The following TPI1 variants were observed in gnomAD, a reference collection of about 807,000 sequenced individuals.
TPI1 encodes triosephosphate isomerase.
Under a neutral mutation model 31.0 loss-of-function variants are expected in TPI1, and 11 were observed. The ratio of observed to expected loss-of-function variants is 0.36; its 90% confidence interval spans 0.22 to 0.59. The LOEUF (loss-of-function observed/expected upper bound fraction) is 0.59, where lower values mean the gene tolerates loss of function less well. Ranked by LOEUF, TPI1 falls within the 20% of genes least tolerant of loss-of-function variation. The pLI is 0.79. For synonymous variants in TPI1, 121 were observed against 122.8 expected, an observed-to-expected ratio of 0.99 and a Z score of 0.10; for missense variants, 245 against 319.7, an observed-to-expected ratio of 0.77 and a Z score of 1.78.
chr12:6,868,537 G>A, intron 1 of TPI1: 1 of 1,287,606 alleles, frequency 7.8e-7, no homozygotes, highest in South Asian at 1.4e-5. Context: ...TAGAAGGGAA[G>A]CAGGGTTGCT....
In TPI1 at chr12:6,868,379, C is replaced by T. The variant is rs1388326952; in HGVS notation, c.116-485C>T. On this transcript the variant is annotated intron_variant, in intron 1 of 6. Transcript: ENST00000396705. ...TCCTCCATCCTCCTTCCTCCCTCCACCGAAATCGGAGAGCCGCGGGCCTGA... is the reference window on the plus strand; with the variant it reads ...TCCTCCATCCTCCTTCCTCCCTCCATCGAAATCGGAGAGCCGCGGGCCTGA... The T allele has an allele frequency of 2.3e-6, 3 of 1,288,048 alleles. No homozygotes were observed. In the African/African-American group the frequency reaches 4.6e-5, roughly 20 times the overall value. The allele number at this position is 1,288,048 out of a possible 1,614,324, so 79.8% of individuals were successfully genotyped here.
Position 6,867,680 on chromosome 12 carries a change from C to T in TPI1, c.114C>T (p.Thr38=). ...TLNAAKVPAD[T]EVVCAPPTAY... ...ACGCGGCCAAGGTGCCGGCCGACAC[C>T]GGTAAGCCCTCGCCGAGGAGGGGTC... Residue 38 remains threonine, a splice_region_variant and synonymous_variant, in exon 1 of 7, where the codon ACC becomes ACT. Coordinates refer to ENST00000396705, the MANE Select transcript of TPI1 (RefSeq NM_000365.6). 1 of 1,605,808 alleles carries T rather than the reference C, an allele frequency of 6.2e-7. No individual in the cohort carries two copies. The highest frequency in any genetic ancestry group is 1.3e-5 in the African/African-American group (1 of 74,182).
At position 6,868,720 on chromosome 12, in the gene TPI1, G is replaced by A. The variant is rs2138090962; in HGVS notation, c.116-144G>A. 25 of 1,431,186 alleles carry A rather than the reference G, an allele frequency of 1.7e-5. No homozygotes were observed. The South Asian group carries it at 3.0e-4, about 17-fold the overall frequency. 88.7% of individuals were successfully genotyped at this position (1,431,186 alleles called of 1,614,324 possible). On this transcript the variant is annotated intron_variant, in intron 1 of 6. Transcript: ENST00000396705. ...AGCCTGGGCTGGAAAATGGACAAAG[G>A]TCATCTTGCTGGGGTGAAAAGGGGG...
At chr12:6,867,785 C>A in intron 1 of TPI1, 104 bp downstream of exon 1, 2 of 1,246,036 alleles carry the variant, frequency 1.6e-6, no homozygotes, top group Non-Finnish European at 2.2e-6. Flanking sequence ...CCGGTATCCG[C>A]GCGGACCTGA....
chr12:6,868,812 G>T, intron 1 of TPI1, 52 bp from the exon 2 acceptor site: 1 of 1,584,406 alleles, frequency 6.3e-7, no homozygotes, highest in Non-Finnish European at 8.6e-7. Flanking sequence ...GAATTGTGGG[G>T]AATGAAGGCT....
intron 1 of TPI1, 75 bp from the exon 2 acceptor site, chr12:6,868,789 G>A: frequency 1.3e-6 from 2 of 1,556,200 alleles, no homozygotes; most frequent in Non-Finnish European, 1.7e-6. Flanking sequence ...GGGGGCTCCA[G>A]GGCACTGGTT....
At chr12:6,868,724 T>C in intron 1 of TPI1, 140 bp from the exon 2 acceptor site, 2 of 1,440,164 alleles carry the variant, frequency 1.4e-6, no homozygotes, top group Non-Finnish European at 1.9e-6. Flanking sequence ...ACAAAGGTCA[T>C]CTTGCTGGGG....
Position 6,867,550 on chromosome 12 carries a change from G to T in TPI1, c.-17G>T, listed in dbSNP as rs782758079. 6.2e-7 allele frequency: 1 copy of T among 1,610,708 alleles called. No homozygotes were observed. The highest frequency in any genetic ancestry group is 8.5e-7 in the Non-Finnish European group (1 of 1,178,886). On this transcript the variant is annotated 5_prime_UTR_variant, in exon 1 of 7. Coordinates refer to ENST00000396705, the MANE Select transcript of TPI1 (RefSeq NM_000365.6). The stretch of plus-strand genomic sequence containing the variant: ...CTGCGCGCAGACACTGACCTTCAGC[G>T]CCTCGGCTCCAGCGCCATGGCGCCC...
At position 6,870,327 on chromosome 12, in the gene TPI1, G is replaced by A. The variant is rs1555132614; in HGVS notation, c.694G>A (p.Val232Met). ...CCAGCCTGATGTGGATGGCTTCCTT[G>A]TGGGTGGTGCTTCCCTCAAGCCCGA... The part of the protein sequence containing the change: ...ASQPDVDGFL[V>M]GGASLKPEFV... Residue 232 changes from valine to methionine, a missense_variant, in exon 7 of 7, where the codon GTG becomes ATG. By Grantham distance (21) the Val-to-Met change is conservative. Coordinates refer to ENST00000396705, the MANE Select transcript of TPI1 (RefSeq NM_000365.6). The A allele has an allele frequency of 6.2e-7, 1 of 1,614,170 alleles. No homozygotes were observed. Among genetic ancestry groups the A allele is most frequent in the Non-Finnish European group, 8.5e-7 (1 of 1,180,028 alleles).
rs1012340893 is a variant in TPI1 at position 6,868,882 on chromosome 12, C to T, written c.134C>T (p.Pro45Leu). Reference protein sequence around the residue: ...PADTEVVCAPPTAYIDFARQK... With the variant: ...PADTEVVCAPLTAYIDFARQK... ...TCCTCAGAGGTGGTTTGTGCTCCCC[C>T]TACTGCCTATATCGACTTCGCCCGG... The change falls in exon 2 of 7, where the codon CCT (proline) becomes CTT (leucine). Residue 45 changes from proline to leucine, a missense_variant. Physicochemically the swap from Pro to Leu is moderately conservative, Grantham distance 98. Transcript: ENST00000396705. 1 of 1,613,604 alleles carries T rather than the reference C, an allele frequency of 6.2e-7. No homozygotes were observed. Among genetic ancestry groups the T allele is most frequent in the African/African-American group, 1.3e-5 (1 of 75,038 alleles).
chr12:6,869,497 G>A, intron 4 of TPI1, 107 bp downstream of exon 4: 1 of 1,563,940 alleles, frequency 6.4e-7, no homozygotes. Context: ...TCCAGAAAAG[G>A]AAAAAGGGGA....
rs782763765 is a variant in TPI1, at chr12:6,867,542, C to T, written c.-25C>T. On this transcript the variant is annotated 5_prime_UTR_variant, in exon 1 of 7. Transcript: ENST00000396705. ...GGCCGCGACTGCGCGCAGACACTGACCTTCAGCGCCTCGGCTCCAGCGCCA... is the reference window on the plus strand; with the variant it reads ...GGCCGCGACTGCGCGCAGACACTGATCTTCAGCGCCTCGGCTCCAGCGCCA... 2.6e-5 allele frequency: 42 copies of T among 1,609,324 alleles called. No homozygotes were observed. Among genetic ancestry groups the T allele is most frequent in the Non-Finnish European group, 3.1e-5 (36 of 1,178,382 alleles).
In TPI1 at chr12:6,867,615, G is replaced by A. The variant is rs1346913175; in HGVS notation, c.49G>A (p.Gly17Arg). 18 of 1,612,934 alleles carry A rather than the reference G, an allele frequency of 1.1e-5. No homozygotes were observed. The Admixed American group carries it at 1.5e-4, about 13-fold the overall frequency. ...CGTTGGGGGAAACTGGAAGATGAAC[G>A]GGCGGAAGCAGAGTCTGGGGGAGCT... is the stretch of plus-strand genomic sequence containing the variant. ...FFVGGNWKMNGRKQSLGELIG... is the reference protein window; with the variant it reads ...FFVGGNWKMNRRKQSLGELIG... The change falls in exon 1 of 7, where the codon GGG becomes AGG. Residue 17 changes from glycine to arginine, a missense_variant. Transcript: ENST00000396705.
At chr12:6,867,441 G>A (rs1178563543), upstream of TPI1, 20 of 1,487,270 alleles carry the variant, frequency 1.3e-5, no homozygotes, top group Middle Eastern at 2.4e-4. Context: ...AGGGCTCCGG[G>A]GGACTGGGCG....
rs1555131566 is a variant in TPI1, at chr12:6,867,665, G to A, written c.99G>A (p.Lys33=). Residue 33 remains lysine (K), a synonymous_variant, in exon 1 of 7, where the codon AAG becomes AAA. Transcript: ENST00000396705. The part of the protein sequence containing the change: ...GELIGTLNAA[K]VPADTEVVCA... Reference sequence around the variant, plus strand: ...TCATCGGCACTCTGAACGCGGCCAAGGTGCCGGCCGACACCGGTAAGCCCT... The same window carrying A: ...TCATCGGCACTCTGAACGCGGCCAAAGTGCCGGCCGACACCGGTAAGCCCT... The A allele has an allele frequency of 1.2e-6, 2 of 1,610,034 alleles. No homozygotes were observed. The highest frequency in any genetic ancestry group is 3.3e-4 in the Middle Eastern group (2 of 6,038).
chr12:6,870,078 A>G lies in TPI1; in HGVS notation c.573A>G (p.Gly191=), dbSNP rs1555132496. ...AGGAAGTACACGAGAAGCTCCGAGG[A>G]TGGCTGAAGTCCAACGTCTCTGATG... ...QAQEVHEKLR[G]WLKSNVSDAV... The change falls in exon 6 of 7, where the codon GGA becomes GGG. Residue 191 remains glycine (G), a synonymous_variant. Transcript: ENST00000396705. The G allele has an allele frequency of 6.2e-7, 1 of 1,614,222 alleles. No individual in the cohort carries two copies. The highest frequency in any genetic ancestry group is 8.5e-7 in the Non-Finnish European group (1 of 1,180,036).
chr12:6,869,657 C>T, intron 4 of TPI1, 31 bp from the exon 5 acceptor site: 1 of 1,612,162 alleles, frequency 6.2e-7, no homozygotes, highest in Non-Finnish European at 8.5e-7. Flanking sequence ...TCTTGTTCAC[C>T]CTTCCCTCCA....
At chr12:6,869,911 C>T in intron 5 of TPI1, 138 bp downstream of exon 5, 1 of 1,380,184 alleles carries the variant, frequency 7.2e-7, no homozygotes, top group East Asian at 2.3e-5. Flanking sequence ...CCAAGGGCAT[C>T]CAGTCCAGGG....
chr12:6,870,329 G>A lies in TPI1; in HGVS notation c.696G>A (p.Val232=). 1 of 1,614,144 alleles carries A rather than the reference G, an allele frequency of 6.2e-7. No homozygotes were observed. The highest frequency in any genetic ancestry group is 1.7e-5 in the Admixed American group (1 of 60,022). Residue 232 remains valine, a synonymous_variant, in exon 7 of 7, where the codon GTG becomes GTA. Transcript: ENST00000396705. ...ASQPDVDGFL[V]GGASLKPEFV... ...AGCCTGATGTGGATGGCTTCCTTGT[G>A]GGTGGTGCTTCCCTCAAGCCCGAAT...
Sources: gnomAD v4.1 joint callset for allele counts on GRCh38, gnomAD v4.1.1 for gene constraint, MANE v1.5 for transcripts, NCBI Gene and HGNC (gene_info 2026-07-23, HGNC 2026-07-21) for gene names.